The following HMCES variants were observed in gnomAD, a reference collection of about 807,000 sequenced individuals.
The protein encoded by HMCES is abasic site processing protein HMCES.
In HMCES, 27 loss-of-function variants were observed where a neutral mutation model predicts 35.1. The observed-to-expected ratio is 0.77, with a 90% CI of 0.57 to 1.06. The LOEUF is 1.06. Among genes scored for constraint, HMCES ranks in the 50% least tolerant of loss-of-function variants. HMCES has a pLI of 0.00. For missense variants in HMCES, 391 were observed against 430.4 expected (o/e 0.91, Z 0.81); for synonymous variants, 130 against 154.7 (o/e 0.84, Z 1.18).
chr3:129,305,708 C>G lies in HMCES; in HGVS notation c.*883C>G, dbSNP rs1369321170. 1 of 152,244 alleles carries G rather than the reference C, an allele frequency of 6.6e-6. No homozygotes were observed. The highest frequency in any genetic ancestry group is 6.5e-5 in the Admixed American group (1 of 15,288). 9.4% of individuals were successfully genotyped at this position (152,244 alleles called of 1,614,324 possible). A position where few individuals can be genotyped will look rare whatever the true frequency, so the allele number is the denominator to read the frequency against. ...GGACTGGGCGGCGCCGAGCCCAGAA[C>G]GCTCCTGGCGCAGCACCGTTGGCGT... On this transcript the variant is annotated 3_prime_UTR_variant, in exon 7 of 7. Coordinates refer to ENST00000383463, the MANE Select transcript of HMCES (RefSeq NM_020187.3).
At chr3:129,294,977 G>A (rs2071074298) in intron 4 of HMCES, among the ~76,000 whole-genome samples, 1 of 152,068 alleles carries the variant, frequency 6.6e-6, no homozygotes, top group African/African-American at 2.4e-5. Context: ...CTAACACGGT[G>A]AAACCCCATC....
chr3:129,290,536 G>T, intron 3 of HMCES, 143 bp from the exon 4 acceptor site: 2 of 691,702 alleles, frequency 2.9e-6, no homozygotes, highest in Non-Finnish European at 4.7e-6. Flanking sequence ...CTCCCATCTC[G>T]GCCGCCCAAA....
At chr3:129,289,381 G>T (rs1940734408) in intron 3 of HMCES, among the ~76,000 whole-genome samples, 1 of 152,154 alleles carries the variant, frequency 6.6e-6, no homozygotes, top group African/African-American at 2.4e-5. Context: ...TAGCTCGAGG[G>T]TGTCAGGGTA....
At chr3:129,302,279 C>A in intron 6 of HMCES, 137 bp downstream of exon 6, 2 of 693,732 alleles carry the variant, frequency 2.9e-6, no homozygotes, top group Non-Finnish European at 4.7e-6. Flanking sequence ...TTGTACACAG[C>A]AAGGTAGTGT....
In HMCES at chr3:129,304,576, C is replaced by T. The variant is rs1452221719; in HGVS notation, c.829-13C>T. The T allele has an allele frequency of 1.9e-6, 3 of 1,610,790 alleles. No homozygotes were observed. The highest frequency in any genetic ancestry group is 2.5e-6 in the Non-Finnish European group (3 of 1,177,518). ...TGAGCTGTATGGTTTGAGCTTTTTC[C>T]TCTTTCTTGTAGGAGCTCAGGGCAA... is the stretch of plus-strand genomic sequence containing the variant. On this transcript the variant is annotated splice_polypyrimidine_tract_variant and intron_variant, in intron 6 of 6. Coordinates refer to ENST00000383463, the MANE Select transcript of HMCES (RefSeq NM_020187.3).
At chr3:129,295,010 T>C (rs1324500582) in intron 4 of HMCES, among the ~76,000 whole-genome samples, 1 of 151,830 alleles carries the variant, frequency 6.6e-6, no homozygotes, top group Non-Finnish European at 1.5e-5. Flanking sequence ...ACACAAAAAA[T>C]TAGCCGGGCG....
intron 2 of HMCES, among the ~76,000 whole-genome samples, chr3:129,287,267 G>T (rs1057470625): frequency 6.6e-6 from 1 of 151,842 alleles, no homozygotes; most frequent in Admixed American, 6.6e-5. Context: ...CCGTGGTCCA[G>T]GTTGGAGTGC....
intron 4 of HMCES, among the ~76,000 whole-genome samples, chr3:129,295,597 A>G (rs1244504553): frequency 6.6e-6 from 1 of 152,158 alleles, no homozygotes; most frequent in Non-Finnish European, 1.5e-5. Flanking sequence ...TTTTCACCGT[A>G]TATAAGATTC....
chr3:129,302,124 C>T lies in HMCES; in HGVS notation c.810C>T (p.Val270=), dbSNP rs115922185. ...RNNTPECLAP[V]DLVVKKELRA... is the part of the protein sequence containing the mutation. ...ACACTCCTGAGTGTCTGGCTCCTGT[C>T]GACTTGGTGGTCAAAAAGGTAGGGG... The change falls in exon 6 of 7, where the codon GTC becomes GTT. Residue 270 remains valine (V), a synonymous_variant. Transcript: ENST00000383463. The T allele has an allele frequency of 1.6e-5, 25 of 1,612,346 alleles. No homozygotes were observed. The East Asian group carries it at 4.5e-4, about 29-fold the overall frequency.
intron 4 of HMCES, among the ~76,000 whole-genome samples, chr3:129,292,326 C>T (rs755302693): frequency 6.6e-6 from 1 of 151,206 alleles, no homozygotes; most frequent in African/African-American, 2.4e-5. Context: ...GGACTTGCTA[C>T]CCAATGTGCT....
intron 4 of HMCES, among the ~76,000 whole-genome samples, chr3:129,294,015 A>G (rs146744060): frequency 1.8e-4 from 27 of 152,148 alleles, no homozygotes; most frequent in African/African-American, 2.6e-4. Flanking sequence ...CTAGTTTTCT[A>G]TTTGTTCCAT....
intron 2 of HMCES, among the ~76,000 whole-genome samples, chr3:129,284,238 A>C (rs964382601): frequency 3.3e-5 from 5 of 152,096 alleles, no homozygotes; most frequent in African/African-American, 1.2e-4. Flanking sequence ...GCCATGTGTG[A>C]TTTCACTGTT....
At chr3:129,295,944 C>T (rs1347580552) in intron 4 of HMCES, among the ~76,000 whole-genome samples, 3 of 152,228 alleles carry the variant, frequency 2.0e-5, no homozygotes, top group South Asian at 4.1e-4. Flanking sequence ...TTTTCTCTTT[C>T]TGGGATTCTA....
intron 6 of HMCES, among the ~76,000 whole-genome samples, chr3:129,303,432 C>A (rs1447664977): frequency 2.0e-5 from 3 of 152,150 alleles, no homozygotes; most frequent in African/African-American, 7.2e-5. Context: ...AACCGTGGCA[C>A]TTTTTAAAAA....
At position 129,279,885 on chromosome 3, in the gene HMCES, A is replaced by G. The variant is rs1309516092; in HGVS notation, c.153A>G (p.Pro51=). ...SYNKSPQSNS[P]VLLSRLHFEK... Reference sequence around the variant, plus strand: ...ACAAGAGTCCTCAATCCAACAGCCCAGTGCTTCTGTCTCGACTGCACTTTG... The same window carrying G: ...ACAAGAGTCCTCAATCCAACAGCCCGGTGCTTCTGTCTCGACTGCACTTTG... The change falls in exon 2 of 7, where the codon CCA becomes CCG. Residue 51 remains proline (P), a synonymous_variant. Transcript: ENST00000383463. This position sits in a 1 kb window ranked among gnomAD's most constrained non-coding sequence, Gnocchi z 4.2. 1.9e-6 allele frequency: 3 copies of G among 1,605,280 alleles called. No homozygotes were observed. Among genetic ancestry groups the G allele is most frequent in the Non-Finnish European group, 1.7e-6 (2 of 1,176,546 alleles).
chr3:129,296,668 A>G (rs1395806581), intron 4 of HMCES, among the ~76,000 whole-genome samples: 1 of 152,042 alleles, frequency 6.6e-6, no homozygotes, highest in Admixed American at 6.6e-5. Flanking sequence ...TATGTCTGGA[A>G]ATTCTTCTAT....
At chr3:129,287,195 T>TG (rs1460487341) in intron 2 of HMCES, among the ~76,000 whole-genome samples, 1 of 137,978 alleles carries the variant, frequency 7.2e-6, no homozygotes, top group Non-Finnish European at 1.6e-5. Context: ...AGTGTTTTTG[T>TG]TTTTTTTTGT....
intron 2 of HMCES, among the ~76,000 whole-genome samples, chr3:129,285,561 C>T (rs1035969673): frequency 6.6e-6 from 1 of 152,046 alleles, no homozygotes; most frequent in African/African-American, 2.4e-5. Flanking sequence ...ACGCCATTCT[C>T]CTGCCTCAGC....
intron 2 of HMCES, 143 bp from the exon 3 acceptor site, chr3:129,288,711 A>T: frequency 1.4e-6 from 1 of 711,550 alleles, no homozygotes; most frequent in Non-Finnish European, 2.0e-6. Context: ...AAATAAAAAA[A>T]TTGTTTTCAA....
Sources: allele counts gnomAD v4.1 joint callset (sites outside exome capture counted in the v4.1 genomes callset), GRCh38; gene constraint gnomAD v4.1.1; non-coding constraint Gnocchi (gnomAD v3.1); transcripts MANE v1.5; gene names NCBI Gene and HGNC (gene_info 2026-07-23, HGNC 2026-07-21).